SORBS2: variants seen among roughly 807,000 people sequenced by gnomAD.
The protein encoded by SORBS2 is sorbin and SH3 domain-containing protein 2.
In SORBS2, 46 loss-of-function variants were observed where a neutral mutation model predicts 97.7. The ratio of observed to expected loss-of-function variants is 0.47; its 90% CI spans 0.37 to 0.60. The LOEUF is 0.60. Among genes scored for constraint, SORBS2 ranks in the 20% least tolerant of loss-of-function variants. The pLI is 0.00. For missense variants in SORBS2, 1,316 were observed against 1,282.3 expected, an observed-to-expected ratio of 1.03 and a Z score of -0.40; for synonymous variants, 476 against 473.4, an observed-to-expected ratio of 1.01 and a Z score of -0.07.
intron 4 of SORBS2, among the ~76,000 whole-genome samples, chr4:185,670,511 AAT>A (rs913458867): frequency 6.6e-6 from 1 of 152,068 alleles, no homozygotes; most frequent in African/African-American, 2.4e-5. Context: ...GAACATAAGG[AAT>A]ATATATTAAA....
intron 12 of SORBS2, among the ~76,000 whole-genome samples, chr4:185,594,898 A>G (rs2096049397): frequency 6.6e-6 from 1 of 151,934 alleles, no homozygotes; most frequent in Non-Finnish European, 1.5e-5. Context: ...TGGCAATTAT[A>G]TAAGTGACTG....
intron 5 of SORBS2, among the ~76,000 whole-genome samples, chr4:185,628,785 C>A (rs543858414): frequency 1.3e-5 from 2 of 152,280 alleles, no homozygotes; most frequent in East Asian, 3.9e-4. Flanking sequence ...GTAATCTGGT[C>A]AGCAAATTAA....
chr4:185,656,912 C>T, exon 1 of SORBS2: 1 of 1,237,266 alleles, frequency 8.1e-7, no homozygotes, highest in Non-Finnish European at 1.0e-6. Context: ...GACAGCTTTT[C>T]CTTTCCATGA....
intron 2 of SORBS2, among the ~76,000 whole-genome samples, chr4:185,721,594 C>A (rs1437999583): frequency 1.3e-5 from 2 of 152,168 alleles, no homozygotes; most frequent in Admixed American, 1.3e-4. Context: ...GGAAACCAAG[C>A]ATAATGGAGA....
At position 185,670,794 on chromosome 4, in the gene SORBS2, C is replaced by T. The variant is rs529866831; in HGVS notation, c.-46+7629G>A. Among the ~76,000 whole-genome samples the T allele has an allele frequency of 5.0e-4, 76 of 152,258 alleles. 1 individual carries two copies. The highest frequency in any genetic ancestry group is 3.4e-3 in the Middle Eastern group (1 of 294). ...TGGTGGTATGAGGAGACCTGCCTGG[C>T]AGCTGTGTCTGTTGCCGGATCATCA... is the stretch of plus-strand genomic sequence containing the variant. On this transcript the variant is annotated intron_variant, in intron 4 of 20. Transcript: ENST00000284776.
chr4:185,776,896 T>C (rs1477918943), intron 1 of SORBS2, among the ~76,000 whole-genome samples: 3 of 98,698 alleles, frequency 3.0e-5, no homozygotes, highest in Non-Finnish European at 7.0e-5. Context: ...TGAGACTCCA[T>C]CTCAAAAAAA....
intron 1 of SORBS2, among the ~76,000 whole-genome samples, chr4:185,877,814 G>C (rs1162621805): frequency 7.1e-6 from 1 of 140,128 alleles, no homozygotes; most frequent in Non-Finnish European, 1.5e-5. Context: ...AAATTGCAGA[G>C]AGCCGAGATA....
At chr4:185,735,475 A>G (rs1378356202) in intron 2 of SORBS2, among the ~76,000 whole-genome samples, 1 of 151,838 alleles carries the variant, frequency 6.6e-6, no homozygotes, top group Non-Finnish European at 1.5e-5. Context: ...CCTGAAAACA[A>G]AGGGAAAAAA....
chr4:185,851,731 G>A (rs1454461529), intron 1 of SORBS2, among the ~76,000 whole-genome samples: 1 of 152,062 alleles, frequency 6.6e-6, no homozygotes, highest in Non-Finnish European at 1.5e-5. Flanking sequence ...GCAGGCAGAG[G>A]AATGTGAAAA....
At chr4:185,837,297 T>A (rs2099208626) in intron 1 of SORBS2, among the ~76,000 whole-genome samples, 1 of 152,154 alleles carries the variant, frequency 6.6e-6, no homozygotes, top group South Asian at 2.1e-4. Flanking sequence ...AGTTGCAATG[T>A]CATTGACTTT....
At chr4:185,870,278 C>T (rs1207281038) in intron 1 of SORBS2, among the ~76,000 whole-genome samples, 2 of 152,180 alleles carry the variant, frequency 1.3e-5, no homozygotes, top group Non-Finnish European at 2.9e-5. Context: ...TTGCAGAATT[C>T]GTGAAATCTT....
At chr4:185,752,912 T>G (rs996854814) in intron 2 of SORBS2, among the ~76,000 whole-genome samples, 4 of 152,264 alleles carry the variant, frequency 2.6e-5, no homozygotes, top group African/African-American at 9.6e-5. Context: ...AAATATGGCA[T>G]GCCTATTATT....
rs143401382 is a variant in SORBS2 at position 185,651,827 on chromosome 4, A to G, written c.91+835T>C. The G allele has an allele frequency of 9.1e-5, 130 of 1,424,918 alleles. No individual in the cohort carries two copies. The African/African-American group carries it at 1.5e-3, about 16-fold the overall frequency. 88.3% of individuals were successfully genotyped at this position (1,424,918 alleles called of 1,614,324 possible). ...GAGTATTATACATGTCTGTGTCATCATCTAGAAAATGAAACATAAATATTA... is the reference window on the plus strand; with the variant it reads ...GAGTATTATACATGTCTGTGTCATCGTCTAGAAAATGAAACATAAATATTA... On this transcript the variant is annotated intron_variant, in intron 2 of 14. Transcript: ENST00000418609.
At chr4:185,663,214 C>T (rs539536652) in intron 4 of SORBS2, among the ~76,000 whole-genome samples, 15 of 152,282 alleles carry the variant, frequency 9.9e-5, no homozygotes, top group African/African-American at 3.1e-4. Flanking sequence ...ATACACACAA[C>T]ACACATAGGC....
exon 1 of SORBS2, chr4:185,656,788 C>T: frequency 6.9e-7 from 1 of 1,439,588 alleles, no homozygotes; most frequent in Non-Finnish European, 9.1e-7. Flanking sequence ...CTGAGCAATG[C>T]TTTGGCAGAG....
chr4:185,614,159 GTTTTTTTTTTTT>G (rs34929054), intron 11 of SORBS2, among the ~76,000 whole-genome samples: 1 of 91,624 alleles, frequency 1.1e-5, no homozygotes, highest in Non-Finnish European at 2.0e-5. Context: ...GTTTTTTTGT[GTTTTTTTTTTTT>G]TTTTTTTTTT....
intron 1 of SORBS2, among the ~76,000 whole-genome samples, chr4:185,827,036 C>T (rs371057520): frequency 0.12 from 10,645 of 88,122 alleles, 546 homozygotes; most frequent in Middle Eastern, 0.25. Flanking sequence ...ACCATCACCA[C>T]CATCATCACC....
At chr4:185,647,476 G>C (rs868496022) in intron 3 of SORBS2, among the ~76,000 whole-genome samples, 1 of 146,172 alleles carries the variant, frequency 6.8e-6, no homozygotes, top group Admixed American at 6.9e-5. Flanking sequence ...GCAGTGGTGT[G>C]ATCACAGCTC....
rs552524210 is a variant in SORBS2 at position 185,864,983 on chromosome 4, C to T, written c.-337-89617G>A. Among the ~76,000 whole-genome samples, 16 of 151,662 alleles carry T rather than the reference C, an allele frequency of 1.1e-4. No individual in the cohort carries two copies. In the South Asian group the frequency reaches 3.1e-3, roughly 30 times the overall value. On this transcript the variant is annotated intron_variant, in intron 1 of 20. Transcript: ENST00000284776. The stretch of plus-strand genomic sequence containing the variant: ...GTACTGAGAATGGGGGAAGGATGAA[C>T]GGGAGGGGCGGACAGCAGAAGAGGA...
Sources: gnomAD v4.1 joint callset for allele counts (sites outside exome capture counted in the v4.1 genomes callset) on GRCh38, gnomAD v4.1.1 for gene constraint, MANE v1.5 for transcripts, NCBI Gene and HGNC (gene_info 2026-07-23, HGNC 2026-07-21) for gene names.